HAPSTR1: variants seen among roughly 807,000 people sequenced by gnomAD.
HAPSTR1 encodes the protein HUWE1 associated protein modifying stress responses.
the HAPSTR1 span, chr16:9,104,403 A>G: frequency 6.6e-6 from 1 of 152,250 alleles, no homozygotes; most frequent in African/African-American, 2.4e-5. Context: ...GCGCCTGGCC[A>G]TGAGTCTTGT....
chr16:9,110,627 G>A, the HAPSTR1 span: 2 of 152,308 alleles, frequency 1.3e-5, no homozygotes, highest in South Asian at 2.1e-4. Flanking sequence ...ATTGTATTTA[G>A]CTCTGTGTCT....
the HAPSTR1 span, chr16:9,093,142 G>C: frequency 1.2e-6 from 1 of 846,956 alleles, no homozygotes; most frequent in Non-Finnish European, 1.9e-6. Context: ...TCGCGGCGGT[G>C]CTCTAGCTAG....
chr16:9,116,130 CTT>C, the HAPSTR1 span, among the ~76,000 whole-genome samples: 1 of 152,152 alleles, frequency 6.6e-6, no homozygotes, highest in African/African-American at 2.4e-5. Flanking sequence ...AACAGTGACT[CTT>C]TTCGGGCTCA....
At chr16:9,103,078 CAGA>C in the HAPSTR1 span, 1 of 1,613,998 alleles carries the variant, frequency 6.2e-7, no homozygotes, top group African/African-American at 1.3e-5. Flanking sequence ...TTAAAAAACG[CAGA>C]AGAACTATTC....
chr16:9,117,029 G>A, the HAPSTR1 span: 1 of 1,428,078 alleles, frequency 7.0e-7, no homozygotes, highest in African/African-American at 1.4e-5. Flanking sequence ...TAAGACAAGT[G>A]AATTCTATAG....
chr16:9,119,719 G>GT, the HAPSTR1 span: 1 of 152,190 alleles, frequency 6.6e-6, no homozygotes, highest in African/African-American at 2.4e-5. Flanking sequence ...CTGCAGTTTT[G>GT]TTTTGGTCAT....
the HAPSTR1 span, among the ~76,000 whole-genome samples, chr16:9,116,377 A>T: frequency 6.6e-6 from 1 of 152,170 alleles, no homozygotes; most frequent in Non-Finnish European, 1.5e-5. Flanking sequence ...TACCTCATAG[A>T]TGGGAGAATT....
At chr16:9,113,466 T>TC in the HAPSTR1 span, among the ~76,000 whole-genome samples, 4 of 152,206 alleles carry the variant, frequency 2.6e-5, no homozygotes, top group African/African-American at 9.6e-5. Flanking sequence ...TTGCTTGAAA[T>TC]CCCTAGTCCA....
the HAPSTR1 span, among the ~76,000 whole-genome samples, chr16:9,094,102 A>G: frequency 5.3e-5 from 8 of 152,294 alleles, no homozygotes; most frequent in African/African-American, 1.7e-4. Context: ...AGCATCTTGT[A>G]GGAAAAAATA....
chr16:9,102,878 A>C, the HAPSTR1 span: 2 of 1,159,074 alleles, frequency 1.7e-6, no homozygotes, highest in South Asian at 3.0e-5. Context: ...CTCAGAGGCC[A>C]CATCATGGTA....
At chr16:9,107,265 G>T in the HAPSTR1 span, 1 of 152,174 alleles carries the variant, frequency 6.6e-6, no homozygotes, top group Non-Finnish European at 1.5e-5. Flanking sequence ...TGGCAGATTC[G>T]GTGCTGTCTC....
At chr16:9,103,051 G>A in the HAPSTR1 span, 6 of 1,614,158 alleles carry the variant, frequency 3.7e-6, no homozygotes, top group South Asian at 5.5e-5. Context: ...GACGCAATAA[G>A]GATGTGTTGG....
chr16:9,107,028 T>A, the HAPSTR1 span: 1 of 152,400 alleles, frequency 6.6e-6, no homozygotes. Flanking sequence ...TCAGGCCCTG[T>A]CACTGCCCTA....
At chr16:9,103,147 T>A in the HAPSTR1 span, 2 of 1,614,146 alleles carry the variant, frequency 1.2e-6, no homozygotes, top group Non-Finnish European at 1.7e-6. Flanking sequence ...CACGAAACTC[T>A]AGAGCTCCCC....
the HAPSTR1 span, among the ~76,000 whole-genome samples, chr16:9,101,713 A>T: frequency 6.7e-6 from 1 of 148,658 alleles, no homozygotes; most frequent in African/African-American, 2.5e-5. Flanking sequence ...GTGCAAATTC[A>T]GCTTGGCATC....
the HAPSTR1 span, chr16:9,118,067 C>G: frequency 3.3e-5 from 5 of 152,680 alleles, no homozygotes; most frequent in Admixed American, 2.0e-4. Context: ...TCAATAGATT[C>G]CTCTTTTGAG....
At chr16:9,120,315 A>G in the HAPSTR1 span, 1 of 152,238 alleles carries the variant, frequency 6.6e-6, no homozygotes, top group Admixed American at 6.5e-5. Flanking sequence ...ACCTTACCCC[A>G]TAAGGCCAGC....
the HAPSTR1 span, chr16:9,092,799 A>G: frequency 9.4e-7 from 1 of 1,067,660 alleles, no homozygotes; most frequent in South Asian, 1.6e-5. Flanking sequence ...AAAATGGCGA[A>G]ACCTAATATG....
At chr16:9,093,429 A>G in the HAPSTR1 span, among the ~76,000 whole-genome samples, 2 of 152,218 alleles carry the variant, frequency 1.3e-5, no homozygotes, top group African/African-American at 4.8e-5. Context: ...GAGGGAAGAT[A>G]AGAGTTGATG....
Sources: allele counts gnomAD v4.1 joint callset (sites outside exome capture counted in the v4.1 genomes callset), GRCh38; gene constraint gnomAD v4.1.1; transcripts MANE v1.5; gene names NCBI Gene and HGNC (gene_info 2026-07-23, HGNC 2026-07-21).